The following DPYD variants were observed in gnomAD, a reference collection of about 807,000 sequenced individuals.
The protein encoded by DPYD is dihydropyrimidine dehydrogenase, also known as dihydropyrimidine dehydrogenase [NADP(+)].
A neutral mutation model predicts 116.2 loss-of-function variants in DPYD; 109 were observed. That is an observed-to-expected ratio of 0.94 (90% CI 0.80 to 1.10). The LOEUF (loss-of-function observed/expected upper bound fraction) is 1.10, where lower values mean the gene tolerates loss of function less well. Among genes scored for constraint, DPYD ranks in the 50% least tolerant of loss-of-function variants. The pLI is 0.00. For synonymous variants in DPYD, 440 were observed against 432.0 expected (o/e 1.02, Z -0.23); for missense variants, 1,302 against 1,254.5 (o/e 1.04, Z -0.57).
At chr1:97,545,627 G>C (rs538643359) in intron 12 of DPYD, 4 of 605,848 alleles carry the variant, frequency 6.6e-6, no homozygotes, top group East Asian at 2.7e-5. Context: ...TTATGCAAGA[G>C]AGTGCCCTGT....
chr1:97,324,358 C>T (rs961159659), intron 16 of DPYD, among the ~76,000 whole-genome samples: 2 of 152,012 alleles, frequency 1.3e-5, no homozygotes, highest in Admixed American at 6.6e-5. Flanking sequence ...CACTTCCTGA[C>T]AAGTTGCTGA....
At position 97,235,202 on chromosome 1, in the gene DPYD, A is replaced by G. The variant is rs564768957; in HGVS notation, c.2300-208T>C. ...TGTTAATGGATGTTTATTTATTTTA[A>G]GGACTTTGATACCAATATTGAATTT... On this transcript the variant is annotated intron_variant, in intron 18 of 22. Transcript: ENST00000370192. 6.6e-5 allele frequency among the ~76,000 whole-genome samples: 10 copies of G among 152,376 alleles called. No homozygotes were observed. The East Asian group carries it at 1.5e-3, about 23-fold the overall frequency.
chr1:97,626,777 A>T (rs112248853), intron 8 of DPYD, among the ~76,000 whole-genome samples: 3 of 152,248 alleles, frequency 2.0e-5, no homozygotes, highest in African/African-American at 7.2e-5. Flanking sequence ...TCTGAAATAC[A>T]TATTACATGC....
intron 13 of DPYD, among the ~76,000 whole-genome samples, chr1:97,495,732 T>C (rs1466866909): frequency 6.6e-6 from 1 of 152,106 alleles, no homozygotes; most frequent in Non-Finnish European, 1.5e-5. Flanking sequence ...TCAAGTTATT[T>C]ATATCAAGTT....
intron 18 of DPYD, among the ~76,000 whole-genome samples, chr1:97,288,902 GT>G (rs1246206611): frequency 2.0e-5 from 3 of 152,008 alleles, no homozygotes; most frequent in African/African-American, 7.2e-5. Flanking sequence ...CCAGGATCTG[GT>G]TTTTTGAAAG....
At chr1:97,226,609 AAG>A (rs1331463195) in intron 19 of DPYD, among the ~76,000 whole-genome samples, 1 of 152,182 alleles carries the variant, frequency 6.6e-6, no homozygotes, top group Admixed American at 6.5e-5. Flanking sequence ...AAAGAAATCA[AAG>A]AGTTAATCTC....
intron 16 of DPYD, among the ~76,000 whole-genome samples, chr1:97,341,166 T>C (rs1020257459): frequency 2.0e-5 from 3 of 152,168 alleles, no homozygotes; most frequent in African/African-American, 7.2e-5. Context: ...CAATTTCTCT[T>C]ACTGGGCTTA....
rs188291915 is a variant in DPYD, at chr1:97,309,149, T to C, written c.2059-2852A>G. Among the ~76,000 whole-genome samples the C allele has an allele frequency of 1.3e-3, 199 of 151,980 alleles. 1 individual carries two copies. The highest frequency in any genetic ancestry group is 4.6e-3 in the African/African-American group (192 of 41,516). Reference sequence around the variant, plus strand: ...GTAGGAAGACTACTTTACAAATCACTGGTAATTCTGTGAAAAAGTGATGGA... The same window carrying C: ...GTAGGAAGACTACTTTACAAATCACCGGTAATTCTGTGAAAAAGTGATGGA... On this transcript the variant is annotated intron_variant, in intron 16 of 22. Transcript: ENST00000370192.
chr1:97,116,901 C>G (rs1652006766), intron 20 of DPYD, among the ~76,000 whole-genome samples: 1 of 151,138 alleles, frequency 6.6e-6, no homozygotes, highest in Non-Finnish European at 1.5e-5. Context: ...GTAATTCTAG[C>G]ACTTCGGGAG....
intron 16 of DPYD, among the ~76,000 whole-genome samples, chr1:97,327,402 T>A (rs1668763500): frequency 6.6e-6 from 1 of 152,052 alleles, no homozygotes; most frequent in African/African-American, 2.4e-5. Flanking sequence ...TCATTCAATA[T>A]TCCTACATTA....
At chr1:97,816,983 A>G (rs1341329305) in intron 3 of DPYD, among the ~76,000 whole-genome samples, 2 of 152,186 alleles carry the variant, frequency 1.3e-5, no homozygotes, top group Non-Finnish European at 2.9e-5. Context: ...ACATTATTTG[A>G]AATTTCTTCT....
intron 13 of DPYD, among the ~76,000 whole-genome samples, chr1:97,457,027 T>C (rs1676727614): frequency 6.6e-6 from 1 of 152,066 alleles, no homozygotes; most frequent in Admixed American, 6.6e-5. Context: ...TGGCACGGTG[T>C]GTACTTAATC....
chr1:97,528,664 C>T (rs192019905), intron 12 of DPYD, among the ~76,000 whole-genome samples: 4 of 152,224 alleles, frequency 2.6e-5, no homozygotes, highest in Admixed American at 2.6e-4. Context: ...ATCCATCAAG[C>T]TTGTTAAAAC....
At chr1:97,670,754 T>C (rs147223505) in intron 8 of DPYD, among the ~76,000 whole-genome samples, 41 of 152,304 alleles carry the variant, frequency 2.7e-4, no homozygotes, top group Middle Eastern at 3.4e-3. Context: ...TAAATAGCAG[T>C]TGAAAGACAA....
At chr1:97,738,189 ATAAAG>A (rs1270632497) in intron 4 of DPYD, among the ~76,000 whole-genome samples, 1 of 152,194 alleles carries the variant, frequency 6.6e-6, no homozygotes, top group East Asian at 1.9e-4. Flanking sequence ...GCATTCTCAT[ATAAAG>A]TAGTGTTTTT....
intron 19 of DPYD, 80 bp downstream of exon 19, chr1:97,234,772 T>C (rs1486673175): frequency 1.9e-5 from 29 of 1,564,164 alleles, no homozygotes; most frequent in Non-Finnish European, 2.4e-5. Context: ...AAAACGAATC[T>C]ATTTTTTTTT....
chr1:97,818,545 C>A (rs943911408), intron 3 of DPYD, among the ~76,000 whole-genome samples: 2 of 151,928 alleles, frequency 1.3e-5, no homozygotes, highest in African/African-American at 2.4e-5. Flanking sequence ...AATCCAGAAG[C>A]ATTGTTGCCG....
At chr1:97,281,367 T>A (rs1665312403) in intron 18 of DPYD, among the ~76,000 whole-genome samples, 1 of 151,638 alleles carries the variant, frequency 6.6e-6, no homozygotes, top group Non-Finnish European at 1.5e-5. Flanking sequence ...AAAGAGTAGA[T>A]CCTACCAAAA....
rs1674494765 is a variant in DPYD at position 97,921,020 on chromosome 1, G to C, written c.-98C>G. On this transcript the variant is annotated 5_prime_UTR_variant, in exon 1 of 23. Coordinates refer to ENST00000370192, the MANE Select transcript of DPYD (RefSeq NM_000110.4). ...AGTGACAGCAGCCGGAGCGCGAGTC[G>C]AAAACAGGCAGACTAGGGCCGGCGG... is the stretch of plus-strand genomic sequence containing the variant. 2.0e-6 allele frequency: 3 copies of C among 1,475,808 alleles called. No individual in the cohort carries two copies. Among genetic ancestry groups the C allele is most frequent in the Admixed American group, 3.9e-5 (2 of 50,702 alleles). The allele number at this position is 1,475,808 out of a possible 1,614,324, so 91.4% of individuals were successfully genotyped here. A position where few individuals can be genotyped will look rare whatever the true frequency, so the allele number is the denominator to read the frequency against.
Sources: gnomAD v4.1 joint callset for allele counts (sites outside exome capture counted in the v4.1 genomes callset) on GRCh38, gnomAD v4.1.1 for gene constraint, MANE v1.5 for transcripts, NCBI Gene and HGNC (gene_info 2026-07-23, HGNC 2026-07-21) for gene names.